CSMD1: variants seen among roughly 807,000 people sequenced by gnomAD.
CSMD1 encodes the protein CUB and sushi domain-containing protein 1.
CSMD1 carries 213 observed loss-of-function variants against 417.5 expected under a neutral mutation model. The ratio of observed to expected loss-of-function variants is 0.51; its 90% CI spans 0.46 to 0.57. CSMD1 has a LOEUF of 0.57. Ranked by LOEUF, CSMD1 falls within the 20% of genes least tolerant of loss-of-function variation. The probability of loss-of-function intolerance (pLI) is 0.00; values close to 1 mark genes in which losing one functional copy is unlikely to be tolerated. For synonymous variants in CSMD1, 2,862 were observed against 1,736.8 expected, an observed-to-expected ratio of 1.65 and a Z score of -16.11; for missense variants, 6,923 against 4,529.7, an observed-to-expected ratio of 1.53 and a Z score of -15.17.
chr8:3,565,280 T>G (rs1005744081), intron 10 of CSMD1, among the ~76,000 whole-genome samples: 1 of 151,882 alleles, frequency 6.6e-6, no homozygotes, highest in African/African-American at 2.4e-5. Flanking sequence ...TCAAAGCAAG[T>G]TGGCCAGGCG....
intron 5 of CSMD1, among the ~76,000 whole-genome samples, chr8:3,786,097 G>C (rs376496336): frequency 6.6e-6 from 1 of 152,114 alleles, no homozygotes; most frequent in Admixed American, 6.5e-5. Context: ...CTGGGTGTGA[G>C]GCGTGTAGTT....
At chr8:4,359,524 G>C (rs539771103) in intron 3 of CSMD1, among the ~76,000 whole-genome samples, 2 of 152,256 alleles carry the variant, frequency 1.3e-5, no homozygotes, top group East Asian at 1.9e-4. Context: ...CTTGCAAATA[G>C]AGATGTCTCC....
chr8:4,190,095 A>C (rs1486689578), intron 3 of CSMD1, among the ~76,000 whole-genome samples: 1 of 151,524 alleles, frequency 6.6e-6, no homozygotes, highest in African/African-American at 2.4e-5. Flanking sequence ...CATCTCTACT[A>C]AAAAATACAA....
chr8:3,808,261 C>T (rs1456717243), intron 5 of CSMD1, among the ~76,000 whole-genome samples: 3 of 152,108 alleles, frequency 2.0e-5, no homozygotes, highest in Non-Finnish European at 1.5e-5. Context: ...GTCACATTTA[C>T]TAAGGAATAT....
chr8:3,118,289 G>A (rs959413282), intron 42 of CSMD1, 110 bp downstream of exon 42: 15 of 770,428 alleles, frequency 1.9e-5, no homozygotes, highest in East Asian at 2.8e-5. Context: ...GATTCTCAAC[G>A]AATATTTATT....
intron 23 of CSMD1, among the ~76,000 whole-genome samples, chr8:3,324,392 C>T (rs1017492423): frequency 2.7e-4 from 39 of 146,180 alleles, no homozygotes; most frequent in African/African-American, 9.3e-4. Context: ...CGTTTCCTTC[C>T]CCCTACCTTT....
At chr8:4,607,778 A>T (rs1382250) in intron 2 of CSMD1, among the ~76,000 whole-genome samples, 74,219 of 151,994 alleles carry the variant, frequency 0.49, 19,221 homozygotes, top group African/African-American at 0.68. Context: ...CTCTTGAGTA[A>T]ATCCTCACTC....
intron 10 of CSMD1, among the ~76,000 whole-genome samples, chr8:3,549,851 C>G (rs555138092): frequency 1.3e-5 from 2 of 152,256 alleles, no homozygotes; most frequent in African/African-American, 4.8e-5. Context: ...TTACAAGCAA[C>G]AGACAGTGGA....
At chr8:4,799,623 A>G (rs1280494850) in intron 1 of CSMD1, among the ~76,000 whole-genome samples, 1 of 150,810 alleles carries the variant, frequency 6.6e-6, no homozygotes, top group Admixed American at 6.6e-5. Flanking sequence ...AAAAAAAAAA[A>G]AAAAAGTAAT....
intron 39 of CSMD1, 129 bp downstream of exon 39, chr8:3,157,768 G>A (rs1044212335): frequency 2.5e-5 from 18 of 717,956 alleles, no homozygotes; most frequent in South Asian, 2.2e-4. Flanking sequence ...TGCATTATGT[G>A]CTATTAGTAT....
intron 1 of CSMD1, among the ~76,000 whole-genome samples, chr8:4,811,905 C>T (rs1037769841): frequency 6.6e-6 from 1 of 152,068 alleles, no homozygotes; most frequent in African/African-American, 2.4e-5. Context: ...AATGAATTGA[C>T]TGTTTCTCCG....
chr8:4,825,802 A>AG (rs1207275244), intron 1 of CSMD1, among the ~76,000 whole-genome samples: 14 of 152,106 alleles, frequency 9.2e-5, no homozygotes, highest in Non-Finnish European at 1.6e-4. Flanking sequence ...AAAAGAAAAA[A>AG]AAAAGAAATC....
At chr8:4,122,696 G>A (rs1435860317) in intron 3 of CSMD1, among the ~76,000 whole-genome samples, 1 of 152,160 alleles carries the variant, frequency 6.6e-6, no homozygotes, top group Non-Finnish European at 1.5e-5. Context: ...GCTGGGCATG[G>A]CTAAATGCTG....
chr8:4,290,956 T>C (rs555430193), intron 3 of CSMD1, among the ~76,000 whole-genome samples: 13 of 152,206 alleles, frequency 8.5e-5, no homozygotes, highest in Non-Finnish European at 1.6e-4. Context: ...TTCTAAAATT[T>C]AGAGGGGCAA....
intron 1 of CSMD1, among the ~76,000 whole-genome samples, chr8:4,690,786 T>C (rs1184219595): frequency 5.3e-5 from 8 of 152,196 alleles, no homozygotes; most frequent in Admixed American, 5.2e-4. Flanking sequence ...TGGAGTTCAC[T>C]GGTGCGATCT....
chr8:2,991,095 A>G (rs878945569), intron 54 of CSMD1, among the ~76,000 whole-genome samples: 2 of 152,208 alleles, frequency 1.3e-5, no homozygotes, highest in Non-Finnish European at 2.9e-5. Flanking sequence ...TACAATATAC[A>G]TCATCTAAAA....
chr8:3,850,892 A>C (rs1224725760), intron 5 of CSMD1, among the ~76,000 whole-genome samples: 4 of 152,178 alleles, frequency 2.6e-5, no homozygotes, highest in Admixed American at 6.5e-5. Context: ...TTATTATCAC[A>C]GGAAACAGAG....
chr8:4,943,469 T>C (rs1563829401), intron 1 of CSMD1, among the ~76,000 whole-genome samples: 3 of 151,020 alleles, frequency 2.0e-5, no homozygotes, highest in South Asian at 2.1e-4. Flanking sequence ...GCACTCCAGC[T>C]TGGGGGACAG....
intron 11 of CSMD1, among the ~76,000 whole-genome samples, chr8:3,476,375 T>C (rs1012018262): frequency 2.0e-5 from 3 of 152,234 alleles, no homozygotes; most frequent in African/African-American, 7.2e-5. Context: ...ATATTCACAA[T>C]GTTTCTATTT....
Sources: allele counts gnomAD v4.1 joint callset (sites outside exome capture counted in the v4.1 genomes callset), GRCh38; gene constraint gnomAD v4.1.1; transcripts MANE v1.5; gene names NCBI Gene and HGNC (gene_info 2026-07-23, HGNC 2026-07-21).